Variants in UBE2B observed in about 807,000 individuals in gnomAD.
UBE2B encodes ubiquitin-conjugating enzyme E2 B.
UBE2B carries 11 observed loss-of-function variants against 24.6 expected under a neutral mutation model. The observed-to-expected ratio is 0.45, with a 90% CI of 0.28 to 0.74. The LOEUF (loss-of-function observed/expected upper bound fraction) is 0.74, where lower values mean the gene tolerates loss of function less well. Ranked by LOEUF, UBE2B falls within the 30% of genes least tolerant of loss-of-function variation. UBE2B has a pLI of 0.13. For synonymous variants in UBE2B, 68 were observed against 62.4 expected (o/e 1.09, Z -0.42); for missense variants, 78 against 185.6 (o/e 0.42, Z 3.37).
intron 1 of UBE2B, among the ~76,000 whole-genome samples, chr5:134,373,876 G>C (rs540205350): frequency 1.3e-5 from 2 of 152,286 alleles, no homozygotes; most frequent in South Asian, 4.1e-4. Context: ...TCTTAGGCTA[G>C]TCTATCATTG....
At chr5:134,382,557 T>C in intron 4 of UBE2B, among the ~76,000 whole-genome samples, 1 of 152,146 alleles carries the variant, frequency 6.6e-6, no homozygotes, top group East Asian at 1.9e-4. Flanking sequence ...GTGGATTGCT[T>C]GAGCCCAGGA....
chr5:134,375,937 A>C lies in UBE2B; in HGVS notation c.126-732A>C, dbSNP rs374260569. Among the ~76,000 whole-genome samples the C allele has an allele frequency of 6.6e-5, 10 of 151,998 alleles. No individual in the cohort carries two copies. The South Asian group carries it at 2.1e-3, about 32-fold the overall frequency. On this transcript the variant is annotated intron_variant, in intron 2 of 5. Coordinates refer to ENST00000265339, the MANE Select transcript of UBE2B (RefSeq NM_003337.4). ...TGCTTAGCCTATTTGAACAAGAGTTATGGCTCCATTGGAAAGCAGGACACT... is the reference window on the plus strand; with the variant it reads ...TGCTTAGCCTATTTGAACAAGAGTTCTGGCTCCATTGGAAAGCAGGACACT...
chr5:134,378,665 T>G (rs1758650484), intron 3 of UBE2B, among the ~76,000 whole-genome samples: 1 of 144,352 alleles, frequency 6.9e-6, no homozygotes, highest in African/African-American at 2.5e-5. Context: ...TACAGTTGTT[T>G]GAGTTGCAAT....
At chr5:134,379,427 C>G (rs909348018) in intron 3 of UBE2B, among the ~76,000 whole-genome samples, 2 of 152,046 alleles carry the variant, frequency 1.3e-5, no homozygotes, top group Non-Finnish European at 2.9e-5. Flanking sequence ...GGGCAGATCA[C>G]CTGAGGTCAG....
In UBE2B at chr5:134,390,692, T is replaced by C. The variant is rs184830298; in HGVS notation, c.*339T>C. The C allele has an allele frequency of 1.6e-3, 408 of 262,378 alleles. 1 individual carries two copies. Among genetic ancestry groups the C allele is most frequent in the Non-Finnish European group, 2.1e-3 (286 of 133,340 alleles). 16.3% of individuals were successfully genotyped at this position (262,378 alleles called of 1,614,324 possible). On this transcript the variant is annotated 3_prime_UTR_variant, in exon 6 of 6. Coordinates refer to ENST00000265339, the MANE Select transcript of UBE2B (RefSeq NM_003337.4). This position sits in a 1 kb window ranked among gnomAD's most constrained non-coding sequence, Gnocchi z 4.6. The stretch of plus-strand genomic sequence containing the variant: ...TTGAATGCCTTATTTTTGAATTCTT[T>C]AGATTTTTAAATTGGAGAAAAGCAC...
chr5:134,389,280 A>G (rs995100570), intron 5 of UBE2B, among the ~76,000 whole-genome samples: 1 of 151,566 alleles, frequency 6.6e-6, no homozygotes, highest in African/African-American at 2.4e-5. Flanking sequence ...TTGTTTTTCA[A>G]CCTTCCTATC....
intron 3 of UBE2B, among the ~76,000 whole-genome samples, chr5:134,379,757 G>A (rs1188231897): frequency 6.6e-6 from 1 of 152,004 alleles, no homozygotes; most frequent in African/African-American, 2.4e-5. Context: ...TATTGTAATA[G>A]ATGGAGTGCA....
At chr5:134,385,919 A>G (rs188025102) in intron 4 of UBE2B, among the ~76,000 whole-genome samples, 5 of 152,262 alleles carry the variant, frequency 3.3e-5, no homozygotes, top group Admixed American at 1.3e-4. Flanking sequence ...AGGCTGAGGC[A>G]GGAGAATTGC....
chr5:134,388,458 G>A (rs34633156), intron 5 of UBE2B, 45 bp downstream of exon 5: 40 of 1,562,822 alleles, frequency 2.6e-5, no homozygotes, highest in Admixed American at 8.3e-5. Context: ...GTATTCTGTA[G>A]GATATAGTCA....
chr5:134,376,740 T>C (rs760365070), intron 3 of UBE2B, 46 bp downstream of exon 3: 2 of 1,551,230 alleles, frequency 1.3e-6, no homozygotes, highest in Non-Finnish European at 1.7e-6. Flanking sequence ...GAGGTTACTT[T>C]TTAGTAGAAA....
At chr5:134,377,745 T>C (rs1010407666) in intron 3 of UBE2B, among the ~76,000 whole-genome samples, 1 of 152,124 alleles carries the variant, frequency 6.6e-6, no homozygotes, top group African/African-American at 2.4e-5. Flanking sequence ...TACGATCAAA[T>C]CTCATCATAC....
At chr5:134,388,483 A>G (rs1320578553) in intron 5 of UBE2B, 70 bp downstream of exon 5, 1 of 1,392,578 alleles carries the variant, frequency 7.2e-7, no homozygotes, top group East Asian at 2.3e-5. Context: ...CTTAGCACAC[A>G]GGTAACCAAT....
chr5:134,388,259 G>A, intron 4 of UBE2B, 66 bp from the exon 5 acceptor site: 1 of 1,352,140 alleles, frequency 7.4e-7, no homozygotes, highest in Non-Finnish European at 1.1e-6. Flanking sequence ...ATTCTGTTTG[G>A]TAAAGATTTC....
intron 2 of UBE2B, among the ~76,000 whole-genome samples, chr5:134,375,668 G>A (rs913242057): frequency 3.3e-5 from 5 of 151,740 alleles, no homozygotes; most frequent in Non-Finnish European, 7.4e-5. Context: ...GCGAGGTGGC[G>A]GGCGCCTGTA....
intron 3 of UBE2B, among the ~76,000 whole-genome samples, chr5:134,378,895 C>G (rs1758653975): frequency 6.7e-6 from 1 of 149,878 alleles, no homozygotes; most frequent in African/African-American, 2.5e-5. Context: ...CACCATTGCA[C>G]CCTAGCCTGG....
intron 5 of UBE2B, among the ~76,000 whole-genome samples, chr5:134,389,509 T>C (rs1038781907): frequency 6.6e-6 from 1 of 152,152 alleles, no homozygotes; most frequent in Non-Finnish European, 1.5e-5. Context: ...TATTCTTTTC[T>C]GATTTCTTTC....
At chr5:134,387,880 G>T (rs1173444527) in intron 4 of UBE2B, among the ~76,000 whole-genome samples, 1 of 152,078 alleles carries the variant, frequency 6.6e-6, no homozygotes, top group Admixed American at 6.5e-5. Context: ...TCAGCTCACT[G>T]CAACCCCTGC....
intron 4 of UBE2B, among the ~76,000 whole-genome samples, chr5:134,381,124 G>A (rs986837457): frequency 2.0e-5 from 3 of 151,912 alleles, no homozygotes; most frequent in South Asian, 4.2e-4. Flanking sequence ...CCACCACCAC[G>A]CCTGGCTAAT....
chr5:134,374,101 A>G (rs1198648486), intron 1 of UBE2B, among the ~76,000 whole-genome samples: 1 of 152,246 alleles, frequency 6.6e-6, no homozygotes, highest in Non-Finnish European at 1.5e-5. Context: ...AGTCCCACCA[A>G]CAGTGTAAAA....
Sources: gnomAD v4.1 joint callset for allele counts (sites outside exome capture counted in the v4.1 genomes callset) on GRCh38, gnomAD v4.1.1 for gene constraint, Gnocchi (gnomAD v3.1) non-coding constraint, MANE v1.5 for transcripts, NCBI Gene and HGNC (gene_info 2026-07-23, HGNC 2026-07-21) for gene names.